The following TF variants were observed in gnomAD, a reference collection of about 807,000 sequenced individuals.
TF encodes the protein serotransferrin.
TF carries 55 observed loss-of-function variants against 82.4 expected under a neutral mutation model. That is an observed-to-expected ratio of 0.67 (90% CI 0.54 to 0.84). The LOEUF (loss-of-function observed/expected upper bound fraction) is 0.84, where lower values mean the gene tolerates loss of function less well. TF is among the 40% of genes least tolerant of loss of function. The probability of loss-of-function intolerance (pLI) is 0.00; values close to 1 mark genes in which losing one functional copy is unlikely to be tolerated. For synonymous variants in TF, 332 were observed against 332.6 expected (o/e 1.00, Z 0.02); for missense variants, 737 against 868.4 (o/e 0.85, Z 1.90).
the TF span, among the ~76,000 whole-genome samples, chr3:133,669,413 A>G: frequency 2.6e-5 from 4 of 152,220 alleles, no homozygotes; most frequent in Non-Finnish European, 4.4e-5. Context: ...AAGACCCCAG[A>G]CATGTGCTCC....
chr3:133,715,917 G>A, the TF span, among the ~76,000 whole-genome samples: 23 of 152,240 alleles, frequency 1.5e-4, 1 homozygote, highest in South Asian at 4.6e-3. Context: ...GGATTTTTAA[G>A]GAATCAGCTT....
At chr3:133,755,797 C>A (rs559518287) in intron 5 of TF, 2 of 492,108 alleles carry the variant, frequency 4.1e-6, no homozygotes, top group Admixed American at 3.3e-5. Flanking sequence ...GACAATCATG[C>A]CTCTAGTGTC....
At position 133,759,215 on chromosome 3, in the gene TF, G is replaced by A. The variant is rs753776946; in HGVS notation, c.1089G>A (p.Trp363Ter). Residue 363 changes from tryptophan to a stop codon, truncating the protein, a stop_gained, in exon 9 of 17, where the codon TGG becomes TGA. Coordinates refer to ENST00000402696, the MANE Select transcript of TF (RefSeq NM_001063.4). LOFTEE classifies it high-confidence loss of function. ...APTDECKPVK[W>*]CALSHHERLK... ...CAGATGAATGCAAGCCTGTGAAGTGGTGTGCGCTGAGCCACCACGAGAGGC... is the reference window on the plus strand; with the variant it reads ...CAGATGAATGCAAGCCTGTGAAGTGATGTGCGCTGAGCCACCACGAGAGGC... 1 of 1,614,214 alleles carries A rather than the reference G, an allele frequency of 6.2e-7. No homozygotes were observed. The highest frequency in any genetic ancestry group is 8.5e-7 in the Non-Finnish European group (1 of 1,180,038).
At chr3:133,697,059 A>G in the TF span, among the ~76,000 whole-genome samples, 1 of 152,308 alleles carries the variant, frequency 6.6e-6, no homozygotes, top group South Asian at 2.1e-4. Context: ...CTTACAACTT[A>G]ATGTCTTTCC....
At chr3:133,693,314 G>C in the TF span, among the ~76,000 whole-genome samples, 1 of 151,928 alleles carries the variant, frequency 6.6e-6, no homozygotes, top group African/African-American at 2.4e-5. Flanking sequence ...CTTGGGACAT[G>C]GGCAAGGAAA....
the TF span, among the ~76,000 whole-genome samples, chr3:133,671,440 G>T: frequency 6.6e-6 from 1 of 152,118 alleles, no homozygotes; most frequent in South Asian, 2.1e-4. Context: ...ACATGTAATA[G>T]AGAAGAGAGG....
chr3:133,742,227 C>T (rs1026244386), upstream of TF, among the ~76,000 whole-genome samples: 3 of 152,162 alleles, frequency 2.0e-5, no homozygotes, highest in Non-Finnish European at 4.4e-5. Context: ...AGCAATCCTC[C>T]TGCCTCAGGC....
chr3:133,728,039 G>T, the TF span, among the ~76,000 whole-genome samples: 1 of 152,126 alleles, frequency 6.6e-6, no homozygotes, highest in African/African-American at 2.4e-5. Flanking sequence ...TTGTCTGACG[G>T]GCTTCCCTTT....
chr3:133,732,403 A>T, the TF span, among the ~76,000 whole-genome samples: 84 of 152,334 alleles, frequency 5.5e-4, 1 homozygote, highest in Non-Finnish European at 6.3e-4. Flanking sequence ...CGGACCAATC[A>T]GCACTCTATA....
chr3:133,786,222 T>TTCAAAA lies in TF; in HGVS notation c.*7602_*7603insTCAAAA, dbSNP rs59954827. The TTCAAAA allele has an allele frequency of 1.2e-5, 1 of 84,352 alleles. No homozygotes were observed. Among genetic ancestry groups the TTCAAAA allele is most frequent in the Non-Finnish European group, 2.4e-5 (1 of 41,296 alleles). The allele number at this position is 84,352 out of a possible 1,614,324, so 5.2% of individuals were successfully genotyped here. A position where few individuals can be genotyped will look rare whatever the true frequency, so the allele number is the denominator to read the frequency against. Reference sequence around the variant, plus strand: ...AAGAATTATCAATAAAAAAATAAATTAAAAAAAAAAAAAAAAAACAATACT... The same window carrying TTCAAAA: ...AAGAATTATCAATAAAAAAATAAATTTCAAAAAAAAAAAAAAAAAAAAAACAATACT... On this transcript the variant is annotated 3_prime_UTR_variant, in exon 17 of 17. Coordinates refer to ENST00000402696, the MANE Select transcript of TF (RefSeq NM_001063.4).
At chr3:133,698,883 C>A in the TF span, among the ~76,000 whole-genome samples, 4 of 152,232 alleles carry the variant, frequency 2.6e-5, no homozygotes, top group African/African-American at 9.6e-5. Flanking sequence ...GCAGGTTACC[C>A]TGACTGGGCC....
In TF at chr3:133,796,481, A is replaced by G. The variant is rs1934975465; in HGVS notation, c.*17861A>G. 6.6e-6 allele frequency: 1 copy of G among 152,274 alleles called. No individual in the cohort carries two copies. Among genetic ancestry groups the G allele is most frequent in the African/African-American group, 2.4e-5 (1 of 41,460 alleles). 9.4% of individuals were successfully genotyped at this position (152,274 alleles called of 1,614,324 possible). A position where few individuals can be genotyped will look rare whatever the true frequency, so the allele number is the denominator to read the frequency against. On this transcript the variant is annotated 3_prime_UTR_variant, in exon 17 of 17. Coordinates refer to ENST00000402696, the MANE Select transcript of TF (RefSeq NM_001063.4). ...AGCTATGATGGGAAATGTCTTCTGT[A>G]TTTACATAGGGCATACACTGAGTAA...
chr3:133,746,066 G>A (rs1028623072), upstream of TF: 2 of 401,644 alleles, frequency 5.0e-6, no homozygotes, highest in South Asian at 2.2e-5. Flanking sequence ...CTGGTGGCAC[G>A]GACCAGCTCT....
chr3:133,755,233 G>A (rs1278133512), intron 4 of TF, 130 bp from the exon 5 acceptor site: 5 of 1,185,548 alleles, frequency 4.2e-6, no homozygotes, highest in Middle Eastern at 2.7e-4. Flanking sequence ...TAGCATAAGG[G>A]CAAGCTGGGG....
chr3:133,710,680 TC>T, the TF span, among the ~76,000 whole-genome samples: 1 of 152,166 alleles, frequency 6.6e-6, no homozygotes, highest in East Asian at 1.9e-4. Flanking sequence ...TGCGGGTCAC[TC>T]CCATGTTCCC....
At chr3:133,731,670 C>G in the TF span, among the ~76,000 whole-genome samples, 2 of 152,228 alleles carry the variant, frequency 1.3e-5, no homozygotes, top group Admixed American at 6.5e-5. Flanking sequence ...TCATTACCAT[C>G]TATTGGTCAG....
rs2107905143 is a variant in TF, at chr3:133,746,406, C to G, written c.-35C>G. The G allele has an allele frequency of 1.9e-6, 3 of 1,585,456 alleles. No individual in the cohort carries two copies. The highest frequency in any genetic ancestry group is 1.7e-6 in the Non-Finnish European group (2 of 1,169,556). On this transcript the variant is annotated 5_prime_UTR_variant, in exon 1 of 17. Coordinates refer to ENST00000402696, the MANE Select transcript of TF (RefSeq NM_001063.4). ...GCCGGAGGCTGCACAGAAGCGAGTC[C>G]GACTGTGCTCGCTGCTCAGCGCCGC...
chr3:133,684,531 A>G, the TF span, among the ~76,000 whole-genome samples: 1 of 152,148 alleles, frequency 6.6e-6, no homozygotes, highest in South Asian at 2.1e-4. Context: ...TATCACCACC[A>G]ATCCCACAGA....
chr3:133,674,868 A>G, the TF span, among the ~76,000 whole-genome samples: 3 of 152,178 alleles, frequency 2.0e-5, no homozygotes, highest in Non-Finnish European at 4.4e-5. Flanking sequence ...AGGATTGCAG[A>G]CTATGACTAG....
Sources: allele counts gnomAD v4.1 joint callset (sites outside exome capture counted in the v4.1 genomes callset), GRCh38; gene constraint gnomAD v4.1.1; transcripts MANE v1.5; gene names NCBI Gene and HGNC (gene_info 2026-07-23, HGNC 2026-07-21).